PCDH15: variants seen among roughly 807,000 people sequenced by gnomAD.
The protein encoded by PCDH15 is protocadherin-15.
PCDH15 carries 129 observed loss-of-function variants against 178.5 expected under a neutral mutation model. The observed-to-expected ratio is 0.72, with a 90% CI of 0.63 to 0.84. The LOEUF is 0.84. Ranked by LOEUF, PCDH15 falls within the 40% of genes least tolerant of loss-of-function variation. The pLI, the probability that PCDH15 is intolerant of heterozygous loss-of-function variation, is 0.00. For synonymous variants in PCDH15, 800 were observed against 732.0 expected (o/e 1.09, Z -1.50); for missense variants, 2,230 against 2,099.9 (o/e 1.06, Z -1.21).
chr10:55,014,968 C>T (rs1840135920), intron 2 of PCDH15, among the ~76,000 whole-genome samples: 1 of 152,148 alleles, frequency 6.6e-6, no homozygotes, highest in Non-Finnish European at 1.5e-5. Flanking sequence ...CACCCGTAAT[C>T]TCAGCACTTT....
chr10:54,143,118 T>C (rs1470067905), intron 14 of PCDH15, among the ~76,000 whole-genome samples: 1 of 152,120 alleles, frequency 6.6e-6, no homozygotes, highest in Non-Finnish European at 1.5e-5. Flanking sequence ...TAAGGCTTAT[T>C]AGGCTTAGTT....
At chr10:53,939,438 A>G (rs1413966645) in intron 24 of PCDH15, among the ~76,000 whole-genome samples, 1 of 152,094 alleles carries the variant, frequency 6.6e-6, no homozygotes, top group Non-Finnish European at 1.5e-5. Context: ...TTGAGAGAAA[A>G]TAAAAAAATG....
At chr10:54,871,164 G>T (rs1175215353) in intron 3 of PCDH15, among the ~76,000 whole-genome samples, 3 of 152,114 alleles carry the variant, frequency 2.0e-5, no homozygotes, top group African/African-American at 4.8e-5. Context: ...AATCTAATGT[G>T]CAGACAAGAT....
chr10:55,302,447 G>C (rs2488843), intron 1 of PCDH15, among the ~76,000 whole-genome samples: 1 of 151,956 alleles, frequency 6.6e-6, no homozygotes, highest in African/African-American at 2.4e-5. Flanking sequence ...ATATGACCAT[G>C]AAAGCTAGTA....
At chr10:54,088,009 C>T (rs1318459044) in intron 16 of PCDH15, among the ~76,000 whole-genome samples, 2 of 152,136 alleles carry the variant, frequency 1.3e-5, no homozygotes, top group Admixed American at 1.3e-4. Flanking sequence ...TTTCCTGAGG[C>T]TTCCCCAGAA....
intron 3 of PCDH15, among the ~76,000 whole-genome samples, chr10:54,829,945 A>G (rs1350183280): frequency 1.3e-5 from 2 of 152,062 alleles, no homozygotes; most frequent in Non-Finnish European, 2.9e-5. Context: ...CTCCCCATCT[A>G]TTTGCAAGGA....
At chr10:54,039,864 T>G (rs1565096295) in intron 18 of PCDH15, among the ~76,000 whole-genome samples, 1 of 151,964 alleles carries the variant, frequency 6.6e-6, no homozygotes, top group African/African-American at 2.4e-5. Flanking sequence ...TCAAACCTGC[T>G]GAAGAATTTA....
chr10:53,951,969 T>C (rs2087103957), intron 23 of PCDH15, among the ~76,000 whole-genome samples: 1 of 152,042 alleles, frequency 6.6e-6, no homozygotes, highest in Non-Finnish European at 1.5e-5. Flanking sequence ...AGTGGCTGGA[T>C]CTGGTGCACT....
At chr10:54,255,908 G>A (rs1591445623) in intron 8 of PCDH15, among the ~76,000 whole-genome samples, 2 of 152,108 alleles carry the variant, frequency 1.3e-5, no homozygotes, top group African/African-American at 4.8e-5. Flanking sequence ...CTCAGCATAG[G>A]TGCAAATTTC....
chr10:55,027,341 G>C (rs775679065), intron 2 of PCDH15, among the ~76,000 whole-genome samples: 5 of 151,688 alleles, frequency 3.3e-5, no homozygotes, highest in Admixed American at 1.3e-4. Flanking sequence ...ATGAGATCAA[G>C]AGCAAAGTCA....
At chr10:55,136,978 C>T (rs1838212030) in intron 2 of PCDH15, among the ~76,000 whole-genome samples, 1 of 152,110 alleles carries the variant, frequency 6.6e-6, no homozygotes. Flanking sequence ...GAAGTATTAA[C>T]TATATTTGTG....
At chr10:54,617,820 G>A (rs1314235283) in intron 2 of PCDH15, among the ~76,000 whole-genome samples, 2 of 151,268 alleles carry the variant, frequency 1.3e-5, no homozygotes, top group Middle Eastern at 6.8e-3. Context: ...CAGCTACTTG[G>A]GAGGCTGAGG....
At chr10:54,741,169 A>G (rs1027034916) in intron 1 of PCDH15, among the ~76,000 whole-genome samples, 5 of 151,380 alleles carry the variant, frequency 3.3e-5, no homozygotes, top group Non-Finnish European at 5.9e-5. Flanking sequence ...AAGAAAAAAT[A>G]TAAACAGAAA....
intron 26 of PCDH15, among the ~76,000 whole-genome samples, chr10:53,870,591 A>T (rs945525065): frequency 1.5e-4 from 23 of 152,286 alleles, no homozygotes; most frequent in African/African-American, 4.6e-4. Context: ...GTTCAGTTGA[A>T]TACTAGTAAT....
intron 2 of PCDH15, among the ~76,000 whole-genome samples, chr10:54,988,430 AG>A (rs1268421413): frequency 1.2e-4 from 18 of 152,210 alleles, no homozygotes; most frequent in African/African-American, 3.9e-4. Context: ...GACGTGGGAA[AG>A]TTTGGAACTT....
At chr10:55,488,863 G>C (rs1840354958) in intron 2 of PCDH15, among the ~76,000 whole-genome samples, 1 of 151,284 alleles carries the variant, frequency 6.6e-6, no homozygotes, top group Non-Finnish European at 1.5e-5. Context: ...AAGCTAAAAT[G>C]TTATCCAGCA....
chr10:53,859,469 T>C (rs2078964251), intron 27 of PCDH15, among the ~76,000 whole-genome samples: 1 of 152,154 alleles, frequency 6.6e-6, no homozygotes, highest in Non-Finnish European at 1.5e-5. Context: ...TCTTCTCACA[T>C]GTCTGTCTCC....
At chr10:54,645,593 G>A (rs1009984146) in intron 2 of PCDH15, among the ~76,000 whole-genome samples, 1 of 152,106 alleles carries the variant, frequency 6.6e-6, no homozygotes, top group African/African-American at 2.4e-5. Flanking sequence ...TCAAAGACAA[G>A]ATGGACAGAA....
At chr10:55,584,658 CAAAAAAAAAAAA>C (rs59983365) in intron 2 of PCDH15, among the ~76,000 whole-genome samples, 3 of 72,270 alleles carry the variant, frequency 4.2e-5, no homozygotes, top group Admixed American at 3.6e-4. Flanking sequence ...ACTCTGTCTC[CAAAAAAAAAAAA>C]AAAAAAAAAA....
Sources: gnomAD v4.1 joint callset for allele counts (sites outside exome capture counted in the v4.1 genomes callset) on GRCh38, gnomAD v4.1.1 for gene constraint, MANE v1.5 for transcripts, NCBI Gene and HGNC (gene_info 2026-07-23, HGNC 2026-07-21) for gene names.